Variants in RDH13 observed in about 807,000 individuals in gnomAD.
RDH13 encodes the protein retinol dehydrogenase 13, also known as retinol dehydrogenase 13 (all-trans and 9-cis).
Under a neutral mutation model 28.3 loss-of-function variants are expected in RDH13, and 35 were observed. That is an observed-to-expected ratio of 1.24 (90% CI 0.95 to 1.64). The LOEUF (loss-of-function observed/expected upper bound fraction) is 1.64, where lower values mean the gene tolerates loss of function less well. Ranked by LOEUF, RDH13 falls within the 40% of genes most tolerant of loss-of-function variation. The pLI, the probability that RDH13 is intolerant of heterozygous loss-of-function variation, is 0.00. For missense variants in RDH13, 514 were observed against 446.3 expected (o/e 1.15, Z -1.37); for synonymous variants, 229 against 198.5 (o/e 1.15, Z -1.29).
At position 55,051,585 on chromosome 19, in the gene RDH13, G is replaced by A. The variant is rs111476136; in HGVS notation, c.341-2822C>T. Among the ~76,000 whole-genome samples the A allele has an allele frequency of 6.5e-3, 981 of 151,422 alleles. 11 individuals carry two copies. The highest frequency in any genetic ancestry group is 0.023 in the African/African-American group (939 of 41,262). On this transcript the variant is annotated intron_variant, in intron 3 of 6. Coordinates refer to ENST00000415061, the MANE Select transcript of RDH13 (RefSeq NM_001145971.2). ...ACTGGGATTACAGGTGCCCGCCACCGCACCCTGCTAATTTTTGCATTTTTA... is the reference window on the plus strand; with the variant it reads ...ACTGGGATTACAGGTGCCCGCCACCACACCCTGCTAATTTTTGCATTTTTA...
intron 3 of RDH13, among the ~76,000 whole-genome samples, chr19:55,055,303 C>A (rs1334354197): frequency 1.3e-5 from 2 of 151,932 alleles, no homozygotes; most frequent in African/African-American, 4.8e-5. Flanking sequence ...CAGGTGTGCA[C>A]CACCACGCCT....
intron 6 of RDH13, chr19:55,046,622 A>C (rs2075244109): frequency 6.6e-6 from 1 of 152,062 alleles, no homozygotes; most frequent in Admixed American, 6.6e-5. Flanking sequence ...TATAAACACT[A>C]GTCATAAAGC....
At chr19:55,056,846 T>C (rs1448732739) in intron 2 of RDH13, 38 bp from the exon 3 acceptor site, 1 of 1,557,308 alleles carries the variant, frequency 6.4e-7, no homozygotes, top group Admixed American at 1.8e-5. Context: ...AAATTAATAA[T>C]CCACTCCTGG....
chr19:55,042,305 C>A (rs930751498), downstream of RDH13: 1 of 152,176 alleles, frequency 6.6e-6, no homozygotes, highest in Non-Finnish European at 1.5e-5. Context: ...CAGTTGCCAT[C>A]GCACATGTAT....
At chr19:55,062,676 C>T (rs984544393) in intron 1 of RDH13, among the ~76,000 whole-genome samples, 1 of 152,310 alleles carries the variant, frequency 6.6e-6, no homozygotes, top group African/African-American at 2.4e-5. Context: ...CCAGATTCTG[C>T]CTTTAAAAAT....
chr19:55,048,402 G>A lies in RDH13; in HGVS notation c.585C>T (p.Asn195=). Reference sequence around the variant, plus strand: ...TGCTCTGGCAGTAGGCGGCTTTGGTGTTATACTTCCTCGTCTGCCAGTTCA... The same window carrying A: ...TGCTCTGGCAGTAGGCGGCTTTGGTATTATACTTCCTCGTCTGCCAGTTCA... ...DDLNWQTRKY[N]TKAAYCQSKL... is the part of the protein sequence containing the mutation. The change falls in exon 5 of 7, where the codon AAC becomes AAT. Residue 195 remains asparagine, a synonymous_variant. Coordinates refer to ENST00000415061, the MANE Select transcript of RDH13 (RefSeq NM_001145971.2). 6.2e-7 allele frequency: 1 copy of A among 1,614,208 alleles called. No homozygotes were observed. Among genetic ancestry groups the A allele is most frequent in the East Asian group, 2.2e-5 (1 of 44,886 alleles).
chr19:55,053,964 CTGT>C (rs769283957), intron 3 of RDH13: 2 of 152,164 alleles, frequency 1.3e-5, no homozygotes, highest in African/African-American at 2.4e-5. Context: ...TGCCCTCTCA[CTGT>C]TCTTTGTGAT....
intron 3 of RDH13, among the ~76,000 whole-genome samples, chr19:55,054,494 G>A (rs2075566386): frequency 6.6e-6 from 1 of 152,130 alleles, no homozygotes; most frequent in African/African-American, 2.4e-5. Flanking sequence ...GCTGAGGCAG[G>A]AGAATCGCTT....
At chr19:55,065,540 G>C (rs1272715550), upstream of RDH13, among the ~76,000 whole-genome samples, 1 of 151,480 alleles carries the variant, frequency 6.6e-6, no homozygotes, top group Non-Finnish European at 1.5e-5. Context: ...CCAGGACAGA[G>C]ATCAGCAAAC....
At chr19:55,046,648 G>A (rs1414693335) in intron 6 of RDH13, 1 of 152,128 alleles carries the variant, frequency 6.6e-6, no homozygotes, top group East Asian at 1.9e-4. Flanking sequence ...CTGCCTGGGG[G>A]TGGTGGCTCA....
At chr19:55,049,165 T>A (rs1415138661) in intron 3 of RDH13, among the ~76,000 whole-genome samples, 1 of 152,164 alleles carries the variant, frequency 6.6e-6, no homozygotes, top group Non-Finnish European at 1.5e-5. Context: ...AATGCACGTC[T>A]GAGGGTGTAA....
intron 3 of RDH13, among the ~76,000 whole-genome samples, chr19:55,056,220 C>T (rs2603705): frequency 0.74 from 111,904 of 151,432 alleles, 41,540 homozygotes; most frequent in East Asian, 0.94. Context: ...TCCCAGCACT[C>T]TGGGAGGCTG....
At chr19:55,049,135 G>A (rs973661232) in intron 3 of RDH13, among the ~76,000 whole-genome samples, 3 of 152,128 alleles carry the variant, frequency 2.0e-5, no homozygotes, top group East Asian at 1.9e-4. Flanking sequence ...TCAGACTGCC[G>A]GCTTCCGGAA....
At position 55,045,169 on chromosome 19, in the gene RDH13, C is replaced by CA. The variant is rs777379719; in HGVS notation, c.900dup (p.Glu301Ter). ...AGCCTCCGGGCCACCTCCTCATCCT[C>CA]AGCCTCGGGGGCCGGGGCCTTCTGT... On this transcript the variant is annotated frameshift_variant, in exon 7 of 7. Transcript: ENST00000415061. LOFTEE classifies it high-confidence loss of function. 1 of 1,613,760 alleles carries CA rather than the reference C, an allele frequency of 6.2e-7. No individual in the cohort carries two copies. Among genetic ancestry groups the CA allele is most frequent in the Non-Finnish European group, 8.5e-7 (1 of 1,180,034 alleles).
At position 55,045,318 on chromosome 19, in the gene RDH13, A is replaced by G; in HGVS notation, c.761-9T>C. ...CAGCCAGAAGATGGGCCCTGCAATCAGCCCACAGGGCATTTAGTCCACACT... is the reference window on the plus strand; with the variant it reads ...CAGCCAGAAGATGGGCCCTGCAATCGGCCCACAGGGCATTTAGTCCACACT... On this transcript the variant is annotated splice_polypyrimidine_tract_variant and intron_variant, in intron 6 of 6. Transcript: ENST00000415061. 6.2e-7 allele frequency: 1 copy of G among 1,605,270 alleles called. No individual in the cohort carries two copies. The highest frequency in any genetic ancestry group is 1.1e-5 in the South Asian group (1 of 90,606).
At chr19:55,045,371 C>T in intron 6 of RDH13, 62 bp from the exon 7 acceptor site, 1 of 1,378,042 alleles carries the variant, frequency 7.3e-7, no homozygotes, top group Non-Finnish European at 1.0e-6. Flanking sequence ...GGAAGCCCCG[C>T]TCCCCGGTCA....
At chr19:55,061,030 C>A (rs1344131580) in intron 1 of RDH13, among the ~76,000 whole-genome samples, 3 of 152,136 alleles carry the variant, frequency 2.0e-5, no homozygotes, top group Non-Finnish European at 4.4e-5. Flanking sequence ...GAAGAATCCA[C>A]TTCCAGCTCC....
chr19:55,058,027 C>A (rs991101166), intron 2 of RDH13, among the ~76,000 whole-genome samples: 2 of 152,010 alleles, frequency 1.3e-5, no homozygotes, highest in African/African-American at 4.8e-5. Context: ...CCTCCTGCCT[C>A]AGCCTCCAAA....
At chr19:55,052,143 G>T (rs1348037958) in intron 3 of RDH13, among the ~76,000 whole-genome samples, 1 of 150,292 alleles carries the variant, frequency 6.7e-6, no homozygotes, top group Non-Finnish European at 1.5e-5. Context: ...TGCAGGCCGG[G>T]CGTGGTGGCT....
Sources: allele counts gnomAD v4.1 joint callset (sites outside exome capture counted in the v4.1 genomes callset), GRCh38; gene constraint gnomAD v4.1.1; transcripts MANE v1.5; gene names NCBI Gene and HGNC (gene_info 2026-07-23, HGNC 2026-07-21).